The following ERG variants were observed in gnomAD, a reference collection of about 807,000 sequenced individuals.
The protein encoded by ERG is ETS transcription factor ERG, also known as transcriptional regulator ERG.
A neutral mutation model predicts 55.3 loss-of-function variants in ERG; 9 were observed. The observed-to-expected ratio is 0.16, with a 90% CI of 0.10 to 0.28. The LOEUF (loss-of-function observed/expected upper bound fraction) is 0.28, where lower values mean the gene tolerates loss of function less well. Ranked by LOEUF, ERG falls within the 10% of genes least tolerant of loss-of-function variation. ERG has a pLI of 1.00. For synonymous variants in ERG, 223 were observed against 237.3 expected, an observed-to-expected ratio of 0.94 and a Z score of 0.55; for missense variants, 434 against 631.6, an observed-to-expected ratio of 0.69 and a Z score of 3.35.
At chr21:38,605,125 C>T (rs2060188826) in intron 1 of ERG, among the ~76,000 whole-genome samples, 2 of 152,136 alleles carry the variant, frequency 1.3e-5, no homozygotes, top group African/African-American at 4.8e-5. Flanking sequence ...TTTTTGTTCT[C>T]TCCTTCCCCA....
chr21:38,421,433 A>G (rs1300930558), intron 3 of ERG, among the ~76,000 whole-genome samples: 1 of 152,142 alleles, frequency 6.6e-6, no homozygotes, highest in Non-Finnish European at 1.5e-5. Flanking sequence ...GAAACCTGGG[A>G]TTCAAATCCA....
intron 2 of ERG, among the ~76,000 whole-genome samples, chr21:38,435,081 T>G (rs1990386894): frequency 6.6e-6 from 1 of 152,154 alleles, no homozygotes; most frequent in East Asian, 1.9e-4. Flanking sequence ...CTTTGGCAGC[T>G]CTACCCTAAG....
chr21:38,453,707 AC>A (rs2058961975), intron 1 of ERG, among the ~76,000 whole-genome samples: 1 of 151,956 alleles, frequency 6.6e-6, no homozygotes, highest in African/African-American at 2.4e-5. Context: ...ACATGATGAA[AC>A]CCTGTCTCTA....
At chr21:38,627,943 C>CTTT (rs10650499) in intron 1 of ERG, among the ~76,000 whole-genome samples, 31,435 of 142,366 alleles carry the variant, frequency 0.22, 4,351 homozygotes, top group Non-Finnish European at 0.32. Context: ...GTTTTCTCTT[C>CTTT]TTTTTTTTTT....
intron 1 of ERG, among the ~76,000 whole-genome samples, chr21:38,451,528 C>A (rs548224142): frequency 1.3e-5 from 2 of 152,096 alleles, no homozygotes; most frequent in Non-Finnish European, 2.9e-5. Flanking sequence ...CCACTTTGGG[C>A]GGCCTTTAGT....
intron 2 of ERG, among the ~76,000 whole-genome samples, chr21:38,440,507 T>C (rs1452300317): frequency 1.3e-5 from 2 of 152,124 alleles, no homozygotes; most frequent in Non-Finnish European, 2.9e-5. Context: ...TTTATGGAGC[T>C]GCACCTGACA....
At chr21:38,511,186 G>A (rs1443586808) in intron 2 of ERG, among the ~76,000 whole-genome samples, 1 of 152,176 alleles carries the variant, frequency 6.6e-6, no homozygotes, top group Admixed American at 6.5e-5. Flanking sequence ...ATATAGGAAT[G>A]ATTCACAACC....
chr21:38,462,867 G>C (rs1276133593), intron 1 of ERG, among the ~76,000 whole-genome samples: 1 of 152,172 alleles, frequency 6.6e-6, no homozygotes, highest in Non-Finnish European at 1.5e-5. Flanking sequence ...CAAGTGGCCT[G>C]TCTTATGGCA....
intron 1 of ERG, among the ~76,000 whole-genome samples, chr21:38,582,044 C>CAAAAAAA (rs35717235): frequency 3.4e-5 from 3 of 87,944 alleles, no homozygotes; most frequent in Non-Finnish European, 2.3e-5. Flanking sequence ...CTCCATCTCA[C>CAAAAAAA]AAAAAAAAAA....
intron 1 of ERG, among the ~76,000 whole-genome samples, chr21:38,457,514 A>G (rs2059001919): frequency 6.6e-6 from 1 of 152,162 alleles, no homozygotes; most frequent in South Asian, 2.1e-4. Flanking sequence ...GGCCTGCCCA[A>G]CAGCCTGGTG....
intron 2 of ERG, among the ~76,000 whole-genome samples, chr21:38,437,708 CT>C (rs893469346): frequency 6.6e-6 from 1 of 152,184 alleles, no homozygotes; most frequent in Non-Finnish European, 1.5e-5. Flanking sequence ...CTCGCTTCCT[CT>C]TTTCCTCATG....
intron 1 of ERG, among the ~76,000 whole-genome samples, chr21:38,652,334 T>C (rs1325457214): frequency 3.3e-5 from 5 of 152,218 alleles, no homozygotes; most frequent in Non-Finnish European, 7.3e-5. Flanking sequence ...CTGATCTTCC[T>C]ATGGAATGGT....
intron 2 of ERG, among the ~76,000 whole-genome samples, chr21:38,574,404 G>C (rs1343077511): frequency 6.6e-6 from 1 of 152,146 alleles, no homozygotes; most frequent in Non-Finnish European, 1.5e-5. Flanking sequence ...ATAAGCATCT[G>C]CTCCTCTATG....
intron 1 of ERG, among the ~76,000 whole-genome samples, chr21:38,618,362 C>A (rs950972138): frequency 6.6e-6 from 1 of 151,976 alleles, no homozygotes; most frequent in Non-Finnish European, 1.5e-5. Context: ...AATGCATGCC[C>A]CTAAAATAAC....
chr21:38,442,439 A>G (rs920764978), intron 2 of ERG, among the ~76,000 whole-genome samples: 2 of 152,198 alleles, frequency 1.3e-5, no homozygotes, highest in Non-Finnish European at 2.9e-5. Context: ...TTCCCCTGAA[A>G]AAGATGTTTC....
At chr21:38,552,869 A>G (rs1023398891) in intron 2 of ERG, among the ~76,000 whole-genome samples, 1 of 151,954 alleles carries the variant, frequency 6.6e-6, no homozygotes, top group African/African-American at 2.4e-5. Flanking sequence ...AAGAAACAAA[A>G]TACATCCAAA....
intron 2 of ERG, among the ~76,000 whole-genome samples, chr21:38,442,319 CG>C (rs113102440): frequency 6.6e-6 from 1 of 152,060 alleles, no homozygotes; most frequent in Admixed American, 6.6e-5. Flanking sequence ...GCTTGAACCC[CG>C]GGGGGTGGAG....
At chr21:38,451,229 C>T (rs772576826) in intron 1 of ERG, 4 of 505,764 alleles carry the variant, frequency 7.9e-6, no homozygotes, top group South Asian at 1.5e-5. Flanking sequence ...GGATGGTAAA[C>T]GGAGAGTGCT....
downstream of ERG, among the ~76,000 whole-genome samples, chr21:38,375,042 T>C (rs977245147): frequency 6.6e-6 from 1 of 152,108 alleles, no homozygotes; most frequent in African/African-American, 2.4e-5. Flanking sequence ...TGAGTATGAG[T>C]ATCCTCATAC....
Sources: allele counts gnomAD v4.1 joint callset (sites outside exome capture counted in the v4.1 genomes callset), GRCh38; gene constraint gnomAD v4.1.1; transcripts MANE v1.5; gene names NCBI Gene and HGNC (gene_info 2026-07-23, HGNC 2026-07-21).